CRB1: variants seen among roughly 807,000 people sequenced by gnomAD.
CRB1 encodes the protein protein crumbs homolog 1.
Under a neutral mutation model 120.0 loss-of-function variants are expected in CRB1, and 83 were observed. The observed-to-expected ratio is 0.69, with a 90% CI of 0.58 to 0.83. CRB1 has a LOEUF of 0.83. CRB1 is among the 40% of genes least tolerant of loss of function. CRB1 has a pLI of 0.00. For synonymous variants in CRB1, 625 were observed against 612.5 expected (o/e 1.02, Z -0.30); for missense variants, 1,699 against 1,687.6 (o/e 1.01, Z -0.12).
chr1:197,457,427 C>G (rs968825335), intron 11 of CRB1, among the ~76,000 whole-genome samples: 2 of 152,090 alleles, frequency 1.3e-5, no homozygotes, highest in Non-Finnish European at 2.9e-5. Context: ...GTTGGAGCCA[C>G]GCTTTCAGAT....
At chr1:197,362,874 A>G (rs1660848058) in intron 5 of CRB1, among the ~76,000 whole-genome samples, 1 of 152,038 alleles carries the variant, frequency 6.6e-6, no homozygotes, top group African/African-American at 2.4e-5. Context: ...TAGACCATTT[A>G]TGTTTAAGTA....
intron 11 of CRB1, among the ~76,000 whole-genome samples, chr1:197,476,388 G>T (rs965345993): frequency 2.8e-5 from 4 of 142,868 alleles, no homozygotes; most frequent in Admixed American, 1.5e-4. Flanking sequence ...GTGTGTGTGT[G>T]TGTGTGTGTG....
the CRB1 span, among the ~76,000 whole-genome samples, chr1:197,226,118 A>G: frequency 1.3e-5 from 2 of 152,068 alleles, no homozygotes; most frequent in African/African-American, 4.8e-5. Flanking sequence ...CATGTTGCCC[A>G]GGCTGGTTTT....
At chr1:197,405,891 G>A (rs1467033404) in intron 5 of CRB1, among the ~76,000 whole-genome samples, 7 of 151,932 alleles carry the variant, frequency 4.6e-5, no homozygotes, top group South Asian at 2.1e-4. Flanking sequence ...CAGCCACCCC[G>A]TCTGGGAAGG....
chr1:197,274,041 C>G (rs1394390897), intron 1 of CRB1, among the ~76,000 whole-genome samples: 3 of 151,948 alleles, frequency 2.0e-5, no homozygotes, highest in Non-Finnish European at 2.9e-5. Context: ...CTATAGATAT[C>G]TCTATATGTA....
chr1:197,331,693 A>C (rs1310705230), intron 2 of CRB1, among the ~76,000 whole-genome samples: 2 of 152,214 alleles, frequency 1.3e-5, no homozygotes, highest in Admixed American at 6.5e-5. Context: ...GTGAATGGTG[A>C]TTAAAAGGAA....
intron 5 of CRB1, among the ~76,000 whole-genome samples, chr1:197,392,191 C>T (rs1406320956): frequency 2.0e-5 from 3 of 151,826 alleles, no homozygotes; most frequent in Non-Finnish European, 2.9e-5. Context: ...TCTACACTTC[C>T]TCTACACCTG....
intron 1 of CRB1, among the ~76,000 whole-genome samples, chr1:197,320,268 C>T (rs376475184): frequency 1.3e-5 from 2 of 152,316 alleles, no homozygotes; most frequent in South Asian, 2.1e-4. Flanking sequence ...TTCATATACA[C>T]TATGATTTCA....
intron 5 of CRB1, among the ~76,000 whole-genome samples, chr1:197,364,264 C>A (rs1433356174): frequency 6.6e-6 from 1 of 152,230 alleles, no homozygotes. Flanking sequence ...AGAAAAGTGG[C>A]GTTGCCCTAT....
At chr1:197,475,868 C>G (rs1667174133) in intron 11 of CRB1, among the ~76,000 whole-genome samples, 1 of 152,082 alleles carries the variant, frequency 6.6e-6, no homozygotes, top group African/African-American at 2.4e-5. Flanking sequence ...TACTCTTTCC[C>G]TAAATTCTAA....
intron 1 of CRB1, among the ~76,000 whole-genome samples, chr1:197,290,554 G>A (rs544861102): frequency 1.3e-5 from 2 of 151,456 alleles, no homozygotes; most frequent in African/African-American, 4.8e-5. Flanking sequence ...CAAGGGATCC[G>A]TTTTTTCTTC....
intron 5 of CRB1, among the ~76,000 whole-genome samples, chr1:197,362,544 A>G (rs1558082812): frequency 6.6e-6 from 1 of 151,966 alleles, no homozygotes; most frequent in Non-Finnish European, 1.5e-5. Flanking sequence ...ACGTATTTTG[A>G]GGCTCTGTTG....
At chr1:197,422,557 G>C (rs1049490118) in intron 6 of CRB1, among the ~76,000 whole-genome samples, 83 of 146,984 alleles carry the variant, frequency 5.6e-4, no homozygotes, top group African/African-American at 2.0e-3. Flanking sequence ...AAAAAAAAAA[G>C]AAAAAAAAAT....
rs1667265601 is a variant in CRB1, at chr1:197,477,813, G to A, written c.4155G>A (p.Glu1385=). 6.2e-7 allele frequency: 1 copy of A among 1,613,920 alleles called. No individual in the cohort carries two copies. Among genetic ancestry groups the A allele is most frequent in the Non-Finnish European group, 8.5e-7 (1 of 1,179,878 alleles). Residue 1385 remains glutamate (E), a synonymous_variant, in exon 12 of 12, where the codon GAG becomes GAA. Coordinates refer to ENST00000367400, the MANE Select transcript of CRB1 (RefSeq NM_201253.3). ...TQGTYSPSRQ[E]KEGSRVEMWN... ...GAACCTACAGCCCCAGCCGTCAGGA[G>A]AAGGAGGGCTCCCGAGTGGAAATGT...
intron 5 of CRB1, among the ~76,000 whole-genome samples, chr1:197,405,500 C>T (rs911671666): frequency 2.6e-5 from 4 of 152,092 alleles, no homozygotes; most frequent in African/African-American, 4.8e-5. Context: ...GCCGCCACCC[C>T]GTCTGGGAAG....
At chr1:197,303,074 A>G (rs1327313322) in intron 1 of CRB1, among the ~76,000 whole-genome samples, 1 of 152,082 alleles carries the variant, frequency 6.6e-6, no homozygotes, top group Non-Finnish European at 1.5e-5. Flanking sequence ...TGCTAAAATA[A>G]GACCCAGGCT....
chr1:197,237,438 C>T, the CRB1 span, among the ~76,000 whole-genome samples: 3 of 152,120 alleles, frequency 2.0e-5, no homozygotes, highest in African/African-American at 4.8e-5. Context: ...TCCCTTCAAC[C>T]TCTTTTTATA....
At chr1:197,438,335 T>C (rs1257902400) in intron 9 of CRB1, among the ~76,000 whole-genome samples, 15 of 152,176 alleles carry the variant, frequency 9.9e-5, no homozygotes. Flanking sequence ...ATGGAAGATG[T>C]ATAGCCATGC....
At chr1:197,387,833 G>A (rs968565723) in intron 5 of CRB1, among the ~76,000 whole-genome samples, 1 of 151,724 alleles carries the variant, frequency 6.6e-6, no homozygotes, top group Non-Finnish European at 1.5e-5. Context: ...CAAAAGCGTG[G>A]GGAGGCTATT....
Sources: gnomAD v4.1 joint callset for allele counts (sites outside exome capture counted in the v4.1 genomes callset) on GRCh38, gnomAD v4.1.1 for gene constraint, MANE v1.5 for transcripts, NCBI Gene and HGNC (gene_info 2026-07-23, HGNC 2026-07-21) for gene names.